HMCES: variants seen among roughly 807,000 people sequenced by gnomAD.
The protein encoded by HMCES is 5-hydroxymethylcytosine binding, ES cell specific, also known as abasic site processing protein HMCES.
HMCES carries 27 observed loss-of-function variants against 35.1 expected under a neutral mutation model. The observed-to-expected ratio is 0.77, with a 90% CI of 0.57 to 1.06. HMCES has a LOEUF of 1.06. Ranked by LOEUF, HMCES falls within the 50% of genes least tolerant of loss-of-function variation. The probability of loss-of-function intolerance (pLI) is 0.00; values close to 1 mark genes in which losing one functional copy is unlikely to be tolerated. For missense variants in HMCES, 391 were observed against 430.4 expected (o/e 0.91, Z 0.81); for synonymous variants, 130 against 154.7 (o/e 0.84, Z 1.18).
chr3:129,299,962 A>T (rs1184093060), intron 5 of HMCES, among the ~76,000 whole-genome samples: 31 of 146,744 alleles, frequency 2.1e-4, no homozygotes, highest in South Asian at 6.4e-4. Context: ...AGCCATGGTC[A>T]TTTTTTTTTT....
At chr3:129,294,331 G>C (rs1378688981) in intron 4 of HMCES, among the ~76,000 whole-genome samples, 1 of 152,134 alleles carries the variant, frequency 6.6e-6, no homozygotes, top group African/African-American at 2.4e-5. Flanking sequence ...GCTGAGGCAG[G>C]AGAATGGTAT....
chr3:129,305,644 C>G lies in HMCES; in HGVS notation c.*819C>G, dbSNP rs775702561. On this transcript the variant is annotated 3_prime_UTR_variant, in exon 7 of 7. Coordinates refer to ENST00000383463, the MANE Select transcript of HMCES (RefSeq NM_020187.3). ...AGGGAGGCATTCACAAAAGCTGTCC[C>G]AAGCAGCTGGAAGAAAACAGCTTCC... 1 of 152,160 alleles carries G rather than the reference C, an allele frequency of 6.6e-6. No homozygotes were observed. Among genetic ancestry groups the G allele is most frequent in the East Asian group, 1.9e-4 (1 of 5,172 alleles). 9.4% of individuals were successfully genotyped at this position (152,160 alleles called of 1,614,324 possible).
rs1212082318 is a variant in HMCES, at chr3:129,278,914, A to G, written c.-24+9A>G. 1 of 71,190 alleles carries G rather than the reference A, an allele frequency of 1.4e-5. No homozygotes were observed. Among genetic ancestry groups the G allele is most frequent in the Non-Finnish European group, 2.8e-5 (1 of 35,148 alleles). 4.4% of individuals were successfully genotyped at this position (71,190 alleles called of 1,614,324 possible). ...CGCGCTGCCGGGGCGAGGTGAGGGG[A>G]GGGGAGGCGACGCGGGCGGTCGGGG... On this transcript the variant is annotated intron_variant, in intron 1 of 6. Coordinates refer to ENST00000383463, the MANE Select transcript of HMCES (RefSeq NM_020187.3).
rs1576992511 is a variant in HMCES at position 129,299,295 on chromosome 3, A to G, written c.635+760A>G. ...AAGTTGTGGAAGGAAGGTTATGTAAAATTTTTTATCTTTTGCAGTCTTAAA... is the reference window on the plus strand; with the variant it reads ...AAGTTGTGGAAGGAAGGTTATGTAAGATTTTTTATCTTTTGCAGTCTTAAA... On this transcript the variant is annotated intron_variant, in intron 5 of 6. Coordinates refer to ENST00000383463, the MANE Select transcript of HMCES (RefSeq NM_020187.3). 7.2e-5 allele frequency among the ~76,000 whole-genome samples: 11 copies of G among 152,278 alleles called. 1 individual carries two copies. In the South Asian group the frequency reaches 2.3e-3, roughly 32 times the overall value.
In HMCES at chr3:129,298,417, C is replaced by T. The variant is rs147606481; in HGVS notation, c.517C>T (p.Leu173=). The T allele has an allele frequency of 1.6e-5, 26 of 1,614,080 alleles. No homozygotes were observed. In the African/African-American group the frequency reaches 3.5e-4, roughly 22 times the overall value. ...GGAGAAAGTCTGGGACAACTGGAGGCTGCTGACAATGGCCGGGATCTTTGA... is the reference window on the plus strand; with the variant it reads ...GGAGAAAGTCTGGGACAACTGGAGGTTGCTGACAATGGCCGGGATCTTTGA... The part of the protein sequence containing the change: ...NWEKVWDNWR[L]LTMAGIFDCW... Residue 173 remains leucine (L), a synonymous_variant, in exon 5 of 7, where the codon CTG becomes TTG. Transcript: ENST00000383463.
At chr3:129,280,030 T>C (rs558463469) in intron 2 of HMCES, 115 bp downstream of exon 2, 24 of 869,746 alleles carry the variant, frequency 2.8e-5, no homozygotes, top group African/African-American at 2.1e-4. Flanking sequence ...CCTTTACTGA[T>C]ATATTCTGAC....
chr3:129,282,302 A>C (rs2107684933), intron 2 of HMCES, among the ~76,000 whole-genome samples: 1 of 152,182 alleles, frequency 6.6e-6, no homozygotes, highest in South Asian at 2.1e-4. Context: ...TAACAAAAAA[A>C]AAAAAAAAAA....
At position 129,279,836 on chromosome 3, in the gene HMCES, C is replaced by G; in HGVS notation, c.104C>G (p.Pro35Arg). The G allele has an allele frequency of 6.2e-7, 1 of 1,613,580 alleles. No homozygotes were observed. The highest frequency in any genetic ancestry group is 8.5e-7 in the Non-Finnish European group (1 of 1,179,832). The part of the protein sequence containing the change: ...GQQRLPEWRD[P>R]DKYCPSYNKS... ...CAGCGGCTCCCGGAGTGGAGGGACC[C>G]TGATAAGTACTGCCCCTCTTACAAC... The change falls in exon 2 of 7, where the codon CCT becomes CGT. Residue 35 changes from proline (P) to arginine (R), a missense_variant. Coordinates refer to ENST00000383463, the MANE Select transcript of HMCES (RefSeq NM_020187.3). This position sits in a 1 kb window ranked among gnomAD's most constrained non-coding sequence, Gnocchi z 4.2.
At position 129,305,943 on chromosome 3, in the gene HMCES, G is replaced by A. The variant is rs1405721758; in HGVS notation, c.*1118G>A. 6.6e-6 allele frequency: 1 copy of A among 152,310 alleles called. No individual in the cohort carries two copies. Among genetic ancestry groups the A allele is most frequent in the African/African-American group, 2.4e-5 (1 of 41,468 alleles). The allele number at this position is 152,310 out of a possible 1,614,324, so 9.4% of individuals were successfully genotyped here. On this transcript the variant is annotated 3_prime_UTR_variant, in exon 7 of 7. Coordinates refer to ENST00000383463, the MANE Select transcript of HMCES (RefSeq NM_020187.3). ...GCTCCCGCCCAGACCCTTTCCCGAG[G>A]TCCGCCCTCTCCGCCTTTTCTCTAA... is the stretch of plus-strand genomic sequence containing the variant.
Position 129,279,907 on chromosome 3 carries a change from T to G in HMCES, c.175T>G (p.Phe59Val), listed in dbSNP as rs1259726430. The change falls in exon 2 of 7, where the codon TTT (phenylalanine) becomes GTT (valine). Residue 59 changes from phenylalanine to valine, a missense_variant. Phe to Val is a conservative substitution (Grantham distance 50, BLOSUM62 -1). Coordinates refer to ENST00000383463, the MANE Select transcript of HMCES (RefSeq NM_020187.3). The surrounding 1 kb of genome is among the most constrained non-coding windows in gnomAD (Gnocchi z 4.2). ...CCCAGTGCTTCTGTCTCGACTGCAC[T>G]TTGAGAAGGTAACCAGCATTGCACT... Reference protein sequence around the residue: ...NSPVLLSRLHFEKDADSSERI... With the variant: ...NSPVLLSRLHVEKDADSSERI... The G allele has an allele frequency of 2.1e-5, 34 of 1,589,652 alleles. No homozygotes were observed. Among genetic ancestry groups the G allele is most frequent in the Non-Finnish European group, 2.8e-5 (33 of 1,170,182 alleles).
At chr3:129,302,553 A>T (rs1289220808) in intron 6 of HMCES, among the ~76,000 whole-genome samples, 1 of 152,152 alleles carries the variant, frequency 6.6e-6, no homozygotes, top group Non-Finnish European at 1.5e-5. Context: ...TCTCTACTAA[A>T]AATACAAAAA....
At chr3:129,295,019 C>T (rs1002058511) in intron 4 of HMCES, among the ~76,000 whole-genome samples, 8 of 151,696 alleles carry the variant, frequency 5.3e-5, no homozygotes, top group African/African-American at 1.7e-4. Flanking sequence ...ATTAGCCGGG[C>T]GTGGTGGCGG....
chr3:129,279,484 C>T lies in HMCES; in HGVS notation c.-23-226C>T, dbSNP rs928836645. On this transcript the variant is annotated intron_variant, in intron 1 of 6. Transcript: ENST00000383463. This position sits in a 1 kb window ranked among gnomAD's most constrained non-coding sequence, Gnocchi z 4.2. ...CGCTCAGGCAGGCATTTGCAGAGCT[C>T]CTCTCGGGACTTGCCTCAGTGCCCT... is the stretch of plus-strand genomic sequence containing the variant. 1.7e-4 allele frequency among the ~76,000 whole-genome samples: 26 copies of T among 152,204 alleles called. No individual in the cohort carries two copies. The highest frequency in any genetic ancestry group is 4.6e-4 in the African/African-American group (19 of 41,458).
chr3:129,302,703 G>A (rs1027257672), intron 6 of HMCES, among the ~76,000 whole-genome samples: 4 of 151,690 alleles, frequency 2.6e-5, no homozygotes, highest in Admixed American at 2.6e-4. Context: ...GTGACAGGGC[G>A]AGACTGCGTT....
At chr3:129,303,625 G>A (rs2071198201) in intron 6 of HMCES, among the ~76,000 whole-genome samples, 1 of 152,130 alleles carries the variant, frequency 6.6e-6, no homozygotes. Flanking sequence ...AGTCATGTAA[G>A]CACTTAAAAA....
At chr3:129,294,935 A>C (rs1423173093) in intron 4 of HMCES, among the ~76,000 whole-genome samples, 3 of 151,844 alleles carry the variant, frequency 2.0e-5, no homozygotes, top group African/African-American at 7.3e-5. Context: ...AGGTGGGCGG[A>C]TCACCAGGTC....
intron 6 of HMCES, among the ~76,000 whole-genome samples, chr3:129,302,698 A>T (rs2071184159): frequency 6.6e-6 from 1 of 151,502 alleles, no homozygotes; most frequent in African/African-American, 2.4e-5. Flanking sequence ...GCTTGGTGAC[A>T]GGGCGAGACT....
At chr3:129,299,919 G>A (rs2107698118) in intron 5 of HMCES, among the ~76,000 whole-genome samples, 1 of 151,618 alleles carries the variant, frequency 6.6e-6, no homozygotes, top group East Asian at 1.9e-4. Flanking sequence ...GTGAGCCACC[G>A]CGCCTGGCTG....
chr3:129,280,954 T>C (rs1940460845), intron 2 of HMCES, among the ~76,000 whole-genome samples: 1 of 152,248 alleles, frequency 6.6e-6, no homozygotes, highest in Non-Finnish European at 1.5e-5. Context: ...CTGGGCACGG[T>C]GGCCCACGCC....
Sources: allele counts gnomAD v4.1 joint callset (sites outside exome capture counted in the v4.1 genomes callset), GRCh38; gene constraint gnomAD v4.1.1; non-coding constraint Gnocchi (gnomAD v3.1); transcripts MANE v1.5; gene names NCBI Gene and HGNC (gene_info 2026-07-23, HGNC 2026-07-21).